Variants in GPHN observed in about 807,000 individuals in gnomAD.
GPHN encodes the protein gephyrin.
In GPHN, 17 loss-of-function variants were observed where a neutral mutation model predicts 95.5. The observed-to-expected ratio is 0.18, with a 90% confidence interval of 0.12 to 0.27. The LOEUF (loss-of-function observed/expected upper bound fraction) is 0.27. Among genes scored for constraint, GPHN ranks in the 10% least tolerant of loss-of-function variants. GPHN has a pLI of 1.00. For missense variants in GPHN, 660 were observed against 978.1 expected (o/e 0.67, Z 4.34); for synonymous variants, 320 against 322.5 (o/e 0.99, Z 0.08).
chr14:67,533,205 T>C, the GPHN span: 1 of 151,226 alleles, frequency 6.6e-6, no homozygotes, highest in Admixed American at 6.6e-5. Flanking sequence ...CCGGGCTTTG[T>C]GCAGCGAGCC....
the GPHN span, among the ~76,000 whole-genome samples, chr14:67,497,638 G>A: frequency 0.58 from 87,695 of 151,964 alleles, 26,886 homozygotes; most frequent in Non-Finnish European, 0.68. Flanking sequence ...AAACACAGGC[G>A]GTTTTTGCAC....
the GPHN span, among the ~76,000 whole-genome samples, chr14:67,718,903 C>A: frequency 6.6e-6 from 1 of 152,158 alleles, no homozygotes; most frequent in Non-Finnish European, 1.5e-5. Flanking sequence ...CAAAGATAAA[C>A]ATGTAAGTTG....
intron 1 of GPHN, among the ~76,000 whole-genome samples, chr14:66,610,037 C>T (rs558911544): frequency 6.6e-6 from 1 of 152,202 alleles, no homozygotes; most frequent in African/African-American, 2.4e-5. Context: ...TTTGCTGATT[C>T]TTTTTCATCT....
At chr14:66,751,392 A>G (rs2153447907) in intron 2 of GPHN, among the ~76,000 whole-genome samples, 1 of 151,924 alleles carries the variant, frequency 6.6e-6, no homozygotes, top group Non-Finnish European at 1.5e-5. Context: ...TCTGATGGCT[A>G]TGAGATGATA....
chr14:66,602,574 A>G (rs778136053), intron 1 of GPHN, among the ~76,000 whole-genome samples: 5 of 152,012 alleles, frequency 3.3e-5, no homozygotes, highest in Non-Finnish European at 5.9e-5. Context: ...TCAATTTTTC[A>G]TCAGTTACTT....
At chr14:66,621,077 G>T (rs1200807054) in intron 1 of GPHN, among the ~76,000 whole-genome samples, 3 of 151,642 alleles carry the variant, frequency 2.0e-5, no homozygotes, top group Non-Finnish European at 4.4e-5. Flanking sequence ...CCATTCTCCT[G>T]CCTCAGCCTC....
At chr14:67,281,868 C>T in the GPHN span, among the ~76,000 whole-genome samples, 3 of 151,370 alleles carry the variant, frequency 2.0e-5, no homozygotes, top group East Asian at 5.8e-4. Context: ...GACTTTTTTA[C>T]AAATTCAGAT....
the GPHN span, among the ~76,000 whole-genome samples, chr14:67,314,294 C>T: frequency 1.3e-5 from 2 of 152,164 alleles, no homozygotes; most frequent in Non-Finnish European, 2.9e-5. Flanking sequence ...TATAAGGAAT[C>T]TCTTTTATCT....
chr14:67,657,968 C>T, the GPHN span, among the ~76,000 whole-genome samples: 9 of 152,074 alleles, frequency 5.9e-5, no homozygotes, highest in Admixed American at 3.3e-4. Flanking sequence ...AGGCTGGTCT[C>T]GAACTCCTGA....
the GPHN span, among the ~76,000 whole-genome samples, chr14:67,680,803 A>T: frequency 6.6e-6 from 1 of 152,256 alleles, no homozygotes; most frequent in Non-Finnish European, 1.5e-5. Flanking sequence ...GCATGGTCAC[A>T]GTATTGACAT....
intron 2 of GPHN, among the ~76,000 whole-genome samples, chr14:66,746,284 T>TATTAGGCTC (rs1203450281): frequency 6.6e-6 from 1 of 152,214 alleles, no homozygotes; most frequent in Non-Finnish European, 1.5e-5. Context: ...ATCATTTCAG[T>TATTAGGCTC]ATTAGGCTCA....
chr14:67,302,894 C>T, the GPHN span, among the ~76,000 whole-genome samples: 2 of 152,126 alleles, frequency 1.3e-5, no homozygotes, highest in African/African-American at 4.8e-5. Flanking sequence ...AAAACAAAGT[C>T]TGTGTCCTGA....
At chr14:66,994,785 A>T (rs2071672721) in intron 9 of GPHN, among the ~76,000 whole-genome samples, 1 of 152,218 alleles carries the variant, frequency 6.6e-6, no homozygotes, top group Non-Finnish European at 1.5e-5. Context: ...ATTTCTGAAC[A>T]TGTATAGAAT....
At chr14:67,269,990 G>T in the GPHN span, 1 of 152,198 alleles carries the variant, frequency 6.6e-6, no homozygotes, top group African/African-American at 2.4e-5. Flanking sequence ...GGACACTAGT[G>T]TAGACTGAAC....
At chr14:67,097,955 T>C (rs1019367495) in intron 12 of GPHN, among the ~76,000 whole-genome samples, 1 of 152,202 alleles carries the variant, frequency 6.6e-6, no homozygotes, top group Admixed American at 6.5e-5. Context: ...AGAGTCATCC[T>C]TACCATGTGT....
the GPHN span, among the ~76,000 whole-genome samples, chr14:67,598,179 A>C: frequency 6.6e-6 from 1 of 152,200 alleles, no homozygotes; most frequent in Non-Finnish European, 1.5e-5. Flanking sequence ...TCTCATAAAC[A>C]GTTTTGAATA....
intron 4 of GPHN, among the ~76,000 whole-genome samples, chr14:66,854,585 A>G (rs1002942218): frequency 3.9e-5 from 6 of 152,330 alleles, no homozygotes; most frequent in African/African-American, 1.4e-4. Context: ...ATTCTTTTTC[A>G]TGGCAATTTT....
the GPHN span, chr14:67,656,383 T>A: frequency 1.3e-5 from 20 of 1,549,284 alleles, no homozygotes; most frequent in African/African-American, 2.6e-4. Context: ...AATTACCCCA[T>A]ACTTGCCCCT....
intron 18 of GPHN, among the ~76,000 whole-genome samples, chr14:67,150,456 A>AAC (rs1471021516): frequency 4.3e-4 from 65 of 149,938 alleles, no homozygotes; most frequent in African/African-American, 1.5e-3. Context: ...AAAAAAACAA[A>AAC]AAAAAAAAAA....
Sources: gnomAD v4.1 joint callset for allele counts (sites outside exome capture counted in the v4.1 genomes callset) on GRCh38, gnomAD v4.1.1 for gene constraint, MANE v1.5 for transcripts, NCBI Gene and HGNC (gene_info 2026-07-23, HGNC 2026-07-21) for gene names.